TRIP12: variants seen among roughly 807,000 people sequenced by gnomAD.
TRIP12 encodes thyroid hormone receptor interactor 12.
A neutral mutation model predicts 244.2 loss-of-function variants in TRIP12; 25 were observed. The ratio of observed to expected loss-of-function variants is 0.10; its 90% CI spans 0.07 to 0.14. TRIP12 has a LOEUF of 0.14. TRIP12 is among the 10% of genes least tolerant of loss of function. The pLI, the probability that TRIP12 is intolerant of heterozygous loss-of-function variation, is 1.00. For missense variants in TRIP12, 1,677 were observed against 2,486.4 expected, an observed-to-expected ratio of 0.67 and a Z score of 6.92; for synonymous variants, 905 against 873.1, an observed-to-expected ratio of 1.04 and a Z score of -0.64.
intron 31 of TRIP12, 25 bp from the exon 32 acceptor site, chr2:229,788,965 AGTCT>A: frequency 6.4e-7 from 1 of 1,558,534 alleles, no homozygotes; most frequent in Non-Finnish European, 8.7e-7. Flanking sequence ...AAAAAAAAAA[AGTCT>A]ACATGTAGTA....
intron 23 of TRIP12, 131 bp from the exon 24 acceptor site, chr2:229,797,962 C>A: frequency 1.1e-6 from 1 of 914,066 alleles, no homozygotes; most frequent in Non-Finnish European, 1.6e-6. Flanking sequence ...ACTCCAGATT[C>A]CATAACCAAA....
Position 229,791,149 on chromosome 2 carries a change from T to G in TRIP12, c.4518A>C (p.Ala1506=). ...TAPTKTSPRN[A]KKHDELWHDG... is the part of the protein sequence containing the mutation. ...CGTGCCATAACTCATCATGCTTTTT[T>G]GCATTTCTAGGGGAAGTTTTCGTTG... Residue 1506 remains alanine (A), a synonymous_variant, in exon 30 of 42, where the codon GCA becomes GCC. Coordinates refer to ENST00000675903, the MANE Select transcript of TRIP12 (RefSeq NM_001348323.3). 1 of 1,614,156 alleles carries G rather than the reference T, an allele frequency of 6.2e-7. No homozygotes were observed. Among genetic ancestry groups the G allele is most frequent in the Non-Finnish European group, 8.5e-7 (1 of 1,179,994 alleles).
intron 2 of TRIP12, among the ~76,000 whole-genome samples, chr2:229,860,981 G>A (rs916664627): frequency 6.6e-6 from 1 of 152,124 alleles, no homozygotes; most frequent in East Asian, 1.9e-4. Context: ...TTTCCAATTT[G>A]TACTTAAAAT....
chr2:229,802,581 G>A (rs888004910), intron 20 of TRIP12, 122 bp from the exon 21 acceptor site: 4 of 616,326 alleles, frequency 6.5e-6, no homozygotes, highest in Admixed American at 3.5e-5. Context: ...AAACATAACT[G>A]GCAAATAGGT....
At position 229,802,323 on chromosome 2, in the gene TRIP12, A is replaced by C; in HGVS notation, c.3135T>G (p.His1045Gln). The C allele has an allele frequency of 6.2e-7, 1 of 1,613,722 alleles. No individual in the cohort carries two copies. The highest frequency in any genetic ancestry group is 8.5e-7 in the Non-Finnish European group (1 of 1,179,856). Reference protein sequence around the residue: ...VSSGTATAATHAAADLGSPSL... With the variant: ...VSSGTATAATQAAADLGSPSL... ...TGGGTGATCCCAAGTCAGCTGCAGC[A>C]TGAGTGGCAGCTGTGGCTGTCCCAC... Residue 1045 changes from histidine to glutamine, a missense_variant, in exon 21 of 42, where the codon CAT (histidine) becomes CAG (glutamine). His to Gln is a conservative substitution (Grantham distance 24, BLOSUM62 0). This residue lies in a region of TRIP12 where 572 missense variants were observed against 867.8 expected (regional missense o/e 0.66). Transcript: ENST00000675903.
intron 4 of TRIP12, among the ~76,000 whole-genome samples, chr2:229,851,849 ACGCGCCAC>A (rs2058771574): frequency 6.6e-6 from 1 of 152,156 alleles, no homozygotes; most frequent in South Asian, 2.1e-4. Flanking sequence ...CAAACTCCAG[ACGCGCCAC>A]CTTAAGAGCT....
chr2:229,864,244 G>A (rs2061107694), intron 2 of TRIP12, among the ~76,000 whole-genome samples: 1 of 152,108 alleles, frequency 6.6e-6, no homozygotes, highest in African/African-American at 2.4e-5. Flanking sequence ...ATTTTGTAAT[G>A]AGCATCCCAG....
At chr2:229,905,382 A>G (rs2072442984) in intron 1 of TRIP12, among the ~76,000 whole-genome samples, 1 of 152,212 alleles carries the variant, frequency 6.6e-6, no homozygotes, top group South Asian at 2.1e-4. Flanking sequence ...GTCATTTAGG[A>G]AGAGAGAAGA....
chr2:229,885,707 T>A (rs1236333606), intron 1 of TRIP12, among the ~76,000 whole-genome samples: 2 of 152,188 alleles, frequency 1.3e-5, no homozygotes, highest in African/African-American at 4.8e-5. Flanking sequence ...TGGGAATGAA[T>A]AACCCTTAAC....
intron 31 of TRIP12, 137 bp downstream of exon 31, chr2:229,789,474 T>C: frequency 1.1e-6 from 1 of 931,938 alleles, no homozygotes; most frequent in Non-Finnish European, 1.5e-6. Context: ...GGGGAGAAGT[T>C]TCCACTGATG....
intron 34 of TRIP12, among the ~76,000 whole-genome samples, chr2:229,780,239 C>T (rs993069984): frequency 1.3e-5 from 2 of 152,118 alleles, no homozygotes; most frequent in Admixed American, 1.3e-4. Context: ...TCCTTAGAGC[C>T]GTCCTTGGCC....
chr2:229,792,021 C>A lies in TRIP12; in HGVS notation c.4260G>T (p.Gln1420His), dbSNP rs1420336140. 1 of 1,614,122 alleles carries A rather than the reference C, an allele frequency of 6.2e-7. No individual in the cohort carries two copies. Among genetic ancestry groups the A allele is most frequent in the Admixed American group, 1.7e-5 (1 of 60,028 alleles). The change falls in exon 29 of 42, where the codon CAG becomes CAT. Residue 1420 changes from glutamine (Q) to histidine (H), a missense_variant. By Grantham distance (24) the Gln-to-His change is conservative (BLOSUM62 0). Around this residue, in one of 11 missense-constraint regions of TRIP12, gnomAD observed 265 missense variants for 370.8 expected, o/e 0.71. Transcript: ENST00000675903. The stretch of plus-strand genomic sequence containing the variant: ...GCAGCAAATGTTCTCCAATATAAAA[C>A]TGCAGCCTGTGTCTTACATTTCCTG... Reference protein sequence around the residue: ...LNSGNVRHRLQFYIGEHLLPY... With the variant: ...LNSGNVRHRLHFYIGEHLLPY...
intron 25 of TRIP12, among the ~76,000 whole-genome samples, chr2:229,795,891 C>T (rs1048852296): frequency 7.2e-5 from 11 of 152,194 alleles, no homozygotes; most frequent in Admixed American, 2.0e-4. Flanking sequence ...AGTTAAAATA[C>T]AAGCAATGCT....
At position 229,777,358 on chromosome 2, in the gene TRIP12, T is replaced by G; in HGVS notation, c.5486A>C (p.Asp1829Ala). Residue 1829 changes from aspartate to alanine, a missense_variant, in exon 37 of 42, where the codon GAC becomes GCC. Physicochemically the swap from Asp to Ala is moderately radical, Grantham distance 126. This residue lies in a region of TRIP12 where 171 missense variants were observed against 388.4 expected (regional missense o/e 0.44). Transcript: ENST00000675903. ...VVARSVYHLE[D>A]IVRQKKRLEQ... ...AAGTCTTTTCTTCTGTCTGACAATG[T>G]CTTCTAGGTGATAAACTGATCTGGC... 1.2e-6 allele frequency: 2 copies of G among 1,613,868 alleles called. No individual in the cohort carries two copies. The highest frequency in any genetic ancestry group is 1.7e-6 in the Non-Finnish European group (2 of 1,179,790).
intron 37 of TRIP12, 116 bp downstream of exon 37, chr2:229,777,199 A>T: frequency 8.3e-7 from 1 of 1,200,076 alleles, no homozygotes. Flanking sequence ...AAAGAATTAA[A>T]ATCTTCTAAA....
intron 1 of TRIP12, among the ~76,000 whole-genome samples, chr2:229,893,329 G>A (rs2067866859): frequency 6.6e-6 from 1 of 152,174 alleles, no homozygotes; most frequent in African/African-American, 2.4e-5. Flanking sequence ...ACAACGAAAT[G>A]CCCAAGTGTT....
upstream of TRIP12, among the ~76,000 whole-genome samples, chr2:229,922,856 C>T (rs373396478): frequency 7.9e-5 from 12 of 152,318 alleles, no homozygotes; most frequent in African/African-American, 2.9e-4. Context: ...GCCGCGTGCT[C>T]CTTTCCCGCC....
intron 17 of TRIP12, among the ~76,000 whole-genome samples, chr2:229,807,082 C>G (rs1335752807): frequency 6.6e-6 from 1 of 152,290 alleles, no homozygotes; most frequent in East Asian, 1.9e-4. Flanking sequence ...AAAACTGTCA[C>G]AGAAAATCAC....
intron 6 of TRIP12, among the ~76,000 whole-genome samples, chr2:229,833,827 CAAAACAAAAAA>C (rs757990846): frequency 3.6e-5 from 5 of 140,128 alleles, no homozygotes; most frequent in Non-Finnish European, 6.2e-5. Flanking sequence ...TTTACCAAAA[CAAAACAAAAAA>C]AAAACAAAAA....
Sources: allele counts gnomAD v4.1 joint callset (sites outside exome capture counted in the v4.1 genomes callset), GRCh38; gene constraint gnomAD v4.1.1; regional missense constraint gnomAD v4.1.1; transcripts MANE v1.5; gene names NCBI Gene and HGNC (gene_info 2026-07-23, HGNC 2026-07-21).